Variants in N4BP2L2 observed in about 807,000 individuals in gnomAD.
N4BP2L2 encodes the protein NEDD4-binding protein 2-like 2.
N4BP2L2 carries 50 observed loss-of-function variants against 56.2 expected under a neutral mutation model. The observed-to-expected ratio is 0.89, with a 90% CI of 0.71 to 1.13. The LOEUF is 1.13. Among genes scored for constraint, N4BP2L2 ranks in the 50% most tolerant of loss-of-function variants. The probability of loss-of-function intolerance (pLI) is 0.00; values close to 1 mark genes in which losing one functional copy is unlikely to be tolerated. For synonymous variants in N4BP2L2, 203 were observed against 223.6 expected (o/e 0.91, Z 0.82); for missense variants, 689 against 693.8 (o/e 0.99, Z 0.08).
chr13:32,522,271 C>T lies in N4BP2L2; in HGVS notation c.1385-1G>A, dbSNP rs373298163. ...CTTCCCTGATCGATAGCTTGTTTTG[C>T]TGAAATAAAATATAAATTTAAAAAT... On this transcript the variant is annotated splice_acceptor_variant, in intron 3 of 5. Coordinates refer to ENST00000267068, the Ensembl canonical transcript of N4BP2L2. LOFTEE classifies it high-confidence loss of function. 2.9e-5 allele frequency: 44 copies of T among 1,493,308 alleles called. No homozygotes were observed. The highest frequency in any genetic ancestry group is 4.0e-5 in the Non-Finnish European group (44 of 1,111,888). The allele number at this position is 1,493,308 out of a possible 1,614,324, so 92.5% of individuals were successfully genotyped here. A position where few individuals can be genotyped will look rare whatever the true frequency, so the allele number is the denominator to read the frequency against.
intron 6 of N4BP2L2, among the ~76,000 whole-genome samples, chr13:32,457,909 T>C (rs1316567001): frequency 6.6e-6 from 1 of 152,170 alleles, no homozygotes; most frequent in Non-Finnish European, 1.5e-5. Context: ...ACAAAGTATA[T>C]ACAAAGCAAC....
chr13:32,509,389 G>A (rs1221090121), downstream of N4BP2L2: 3 of 152,104 alleles, frequency 2.0e-5, no homozygotes, highest in Non-Finnish European at 4.4e-5. Flanking sequence ...TTTCAGATAG[G>A]GGTACTCAAC....
intron 6 of N4BP2L2, among the ~76,000 whole-genome samples, chr13:32,497,931 G>A (rs1424516328): frequency 6.6e-6 from 1 of 151,894 alleles, no homozygotes; most frequent in Admixed American, 6.6e-5. Context: ...TGATCCACAA[G>A]TACAGAAATT....
intron 6 of N4BP2L2, among the ~76,000 whole-genome samples, chr13:32,454,244 T>C (rs1694545182): frequency 6.6e-6 from 1 of 152,240 alleles, no homozygotes; most frequent in African/African-American, 2.4e-5. Context: ...GGAGCATTTT[T>C]GTTGATGATG....
At chr13:32,523,156 C>G (rs2051479547) in intron 3 of N4BP2L2, 1 of 152,090 alleles carries the variant, frequency 6.6e-6, no homozygotes, top group African/African-American at 2.4e-5. Flanking sequence ...TTTGGGAGGC[C>G]AAAGCAGGTG....
chr13:32,461,744 AG>A (rs1378647205), intron 6 of N4BP2L2, among the ~76,000 whole-genome samples: 1 of 152,142 alleles, frequency 6.6e-6, no homozygotes, highest in Non-Finnish European at 1.5e-5. Context: ...CTAGGACTAC[AG>A]GTGTGCACCG....
chr13:32,512,845 C>T (rs2048408227), exon 6 of N4BP2L2: 1 of 152,206 alleles, frequency 6.6e-6, no homozygotes, highest in Non-Finnish European at 1.5e-5. Context: ...TCCTGGCTAA[C>T]AAGGTGAAAC....
At chr13:32,456,032 G>A (rs2078928982) in intron 6 of N4BP2L2, among the ~76,000 whole-genome samples, 1 of 152,202 alleles carries the variant, frequency 6.6e-6, no homozygotes, top group Non-Finnish European at 1.5e-5. Context: ...GTTCACTGCT[G>A]CTACTCCTGG....
At position 32,527,234 on chromosome 13, in the gene N4BP2L2, T is replaced by C. The variant is rs9595750; in HGVS notation, c.1384+174A>G. On this transcript the variant is annotated intron_variant, in intron 3 of 5. Transcript: ENST00000267068. ...GCTTTTCACAAAAACCCTGATCAGG[T>C]AGGGCAAGTATAATTATCACCACCT... is the stretch of plus-strand genomic sequence containing the variant. The C allele has an allele frequency of 4.9e-6, 3 of 616,636 alleles. No homozygotes were observed. The African/African-American group carries it at 5.6e-5, about 11-fold the overall frequency. 38.2% of individuals were successfully genotyped at this position (616,636 alleles called of 1,614,324 possible). A position where few individuals can be genotyped will look rare whatever the true frequency, so the allele number is the denominator to read the frequency against.
At chr13:32,534,959 T>C (rs1441846902) in intron 2 of N4BP2L2, among the ~76,000 whole-genome samples, 2 of 152,202 alleles carry the variant, frequency 1.3e-5, no homozygotes, top group Non-Finnish European at 2.9e-5. Flanking sequence ...ATTTGAAATA[T>C]CTTGTAATAC....
intron 6 of N4BP2L2, among the ~76,000 whole-genome samples, chr13:32,475,535 A>T (rs1739510327): frequency 6.6e-6 from 1 of 152,224 alleles, no homozygotes; most frequent in African/African-American, 2.4e-5. Flanking sequence ...CATAATGCAC[A>T]GGGAAGGCTG....
chr13:32,445,543 T>C (rs2138347192), intron 6 of N4BP2L2, among the ~76,000 whole-genome samples: 1 of 152,364 alleles, frequency 6.6e-6, no homozygotes, highest in South Asian at 2.1e-4. Flanking sequence ...TAATGAGCTG[T>C]TGAGTCCGGT....
At chr13:32,517,910 C>T (rs775881474) in exon 6 of N4BP2L2, 1 of 1,613,984 alleles carries the variant, frequency 6.2e-7, no homozygotes, top group South Asian at 1.1e-5. Context: ...GTGATGGTTC[C>T]ACTGAATTCA....
chr13:32,499,108 T>C (rs1352816051), intron 6 of N4BP2L2, among the ~76,000 whole-genome samples: 2 of 152,124 alleles, frequency 1.3e-5, no homozygotes, highest in African/African-American at 4.8e-5. Context: ...CCTACAGGCC[T>C]TCTCCCATAT....
At chr13:32,521,187 AAGG>A (rs540050488) in intron 5 of N4BP2L2, among the ~76,000 whole-genome samples, 183 bp downstream of exon 5, 193 of 152,264 alleles carry the variant, frequency 1.3e-3, no homozygotes, top group African/African-American at 4.3e-3. Flanking sequence ...CTAAAATGAG[AAGG>A]AGATGAAGGC....
At chr13:32,469,768 C>T (rs538182036) in intron 6 of N4BP2L2, among the ~76,000 whole-genome samples, 14 of 152,262 alleles carry the variant, frequency 9.2e-5, no homozygotes, top group South Asian at 2.1e-4. Context: ...GACTGTCAGA[C>T]GATGAAAGTC....
At chr13:32,474,901 T>C (rs905382632) in intron 6 of N4BP2L2, among the ~76,000 whole-genome samples, 6 of 152,344 alleles carry the variant, frequency 3.9e-5, no homozygotes, top group East Asian at 3.9e-4. Context: ...CATGCATCCA[T>C]ATGTGCATAA....
At chr13:32,470,808 G>A (rs1708182898) in intron 6 of N4BP2L2, among the ~76,000 whole-genome samples, 1 of 152,194 alleles carries the variant, frequency 6.6e-6, no homozygotes, top group South Asian at 2.1e-4. Flanking sequence ...GTTACAAGAG[G>A]TCTTGGCACC....
chr13:32,487,879 C>T (rs907961234), intron 6 of N4BP2L2, among the ~76,000 whole-genome samples: 42 of 149,684 alleles, frequency 2.8e-4, no homozygotes, highest in Non-Finnish European at 4.4e-4. Context: ...TTTTTTTTGA[C>T]GGAGTTTTCG....
Sources: allele counts gnomAD v4.1 joint callset (sites outside exome capture counted in the v4.1 genomes callset), GRCh38; gene constraint gnomAD v4.1.1; transcripts MANE v1.5; gene names NCBI Gene and HGNC (gene_info 2026-07-23, HGNC 2026-07-21).